Variants in DMXL2 observed in about 807,000 individuals in gnomAD.
DMXL2 encodes the protein Dmx like 2, also known as dmX-like protein 2.
DMXL2 carries 103 observed loss-of-function variants against 331.1 expected under a neutral mutation model. The ratio of observed to expected loss-of-function variants is 0.31; its 90% confidence interval spans 0.27 to 0.37. DMXL2 has a LOEUF of 0.37. Among genes scored for constraint, DMXL2 ranks in the 10% least tolerant of loss-of-function variants. The pLI is 1.00. For synonymous variants in DMXL2, 1,281 were observed against 1,252.1 expected, an observed-to-expected ratio of 1.02 and a Z score of -0.49; for missense variants, 3,171 against 3,642.9, an observed-to-expected ratio of 0.87 and a Z score of 3.33.
intron 1 of DMXL2, among the ~76,000 whole-genome samples, chr15:51,593,759 A>T (rs1470327776): frequency 6.6e-6 from 1 of 152,206 alleles, no homozygotes; most frequent in African/African-American, 2.4e-5. Context: ...GGATTAAGAA[A>T]CTCACTCAAA....
intron 13 of DMXL2, among the ~76,000 whole-genome samples, chr15:51,523,439 G>T (rs760648473): frequency 6.6e-6 from 1 of 152,184 alleles, no homozygotes. Context: ...TATAACTGAT[G>T]AGAAAAGAAA....
chr15:51,596,448 T>A (rs541704056), intron 1 of DMXL2, among the ~76,000 whole-genome samples: 2 of 152,232 alleles, frequency 1.3e-5, no homozygotes, highest in African/African-American at 4.8e-5. Flanking sequence ...TGTGGAGAAA[T>A]AGGAACACTT....
At chr15:51,540,301 T>C (rs1221540511) in intron 9 of DMXL2, among the ~76,000 whole-genome samples, 1 of 152,214 alleles carries the variant, frequency 6.6e-6, no homozygotes, top group Non-Finnish European at 1.5e-5. Flanking sequence ...GAATGGTATA[T>C]TACATGATAT....
At chr15:51,608,822 C>T (rs1424444892) in intron 1 of DMXL2, among the ~76,000 whole-genome samples, 1 of 151,842 alleles carries the variant, frequency 6.6e-6, no homozygotes, top group African/African-American at 2.4e-5. Flanking sequence ...CAGATTGATA[C>T]CAAGGAAATT....
intron 32 of DMXL2, 92 bp downstream of exon 32, chr15:51,464,583 G>GAAT (rs1247269545): frequency 9.7e-6 from 10 of 1,035,006 alleles, no homozygotes; most frequent in Non-Finnish European, 1.4e-5. Context: ...TCAAAATTAT[G>GAAT]AATGTTTTAA....
Position 51,476,712 on chromosome 15 carries a change from T to C in DMXL2, c.6841A>G (p.Thr2281Ala), listed in dbSNP as rs1408107870. The change falls in exon 27 of 44, where the codon ACA becomes GCA. Residue 2281 changes from threonine to alanine, a missense_variant. Thr to Ala is a moderately conservative substitution (Grantham distance 58, BLOSUM62 0). Transcript: ENST00000560891. ...LCDSHSYSSQTEGNQFTGMAY... is the reference protein window; with the variant it reads ...LCDSHSYSSQAEGNQFTGMAY... ...ATTCCTGTAAACTGATTTCCTTCTG[T>C]TTGACTGCTAAAACAAATAGGTTCA... The C allele has an allele frequency of 6.3e-7, 1 of 1,598,730 alleles. No homozygotes were observed. The highest frequency in any genetic ancestry group is 1.8e-5 in the Admixed American group (1 of 55,544).
Position 51,576,112 on chromosome 15 carries a change from C to A in DMXL2, c.157G>T (p.Ala53Ser). 4 of 1,544,114 alleles carry A rather than the reference C, an allele frequency of 2.6e-6. No homozygotes were observed. The highest frequency in any genetic ancestry group is 3.5e-6 in the Non-Finnish European group (4 of 1,140,464). The change falls in exon 2 of 44, where the codon GCT becomes TCT. Residue 53 changes from alanine to serine, a missense_variant. Transcript: ENST00000560891. ...DFECVQIIPGAKHGNIQVSCV... is the reference protein window; with the variant it reads ...DFECVQIIPGSKHGNIQVSCV... Reference sequence around the variant, plus strand: ...CTGACTTGGATGTTTCCATGCTTAGCACCAGGAATGATCTGTACACATTCA... The same window carrying A: ...CTGACTTGGATGTTTCCATGCTTAGAACCAGGAATGATCTGTACACATTCA...
intron 28 of DMXL2, among the ~76,000 whole-genome samples, chr15:51,473,591 T>G (rs1440445875): frequency 6.6e-6 from 1 of 152,202 alleles, no homozygotes; most frequent in Non-Finnish European, 1.5e-5. Context: ...AGACAGAGGT[T>G]AGTGTCATTA....
Position 51,503,014 on chromosome 15 carries a change from A to C in DMXL2, c.2784T>G (p.Ala928=). 1 of 1,612,064 alleles carries C rather than the reference A, an allele frequency of 6.2e-7. No homozygotes were observed. The highest frequency in any genetic ancestry group is 8.5e-7 in the Non-Finnish European group (1 of 1,178,552). The part of the protein sequence containing the change: ...QACLAKASEG[A]SSESLLSVPG... ...GGACTGAAAGTAGACTCTCAGAGGA[A>C]GCCCCTTCTGAAGCTTTAGCTTTAA... Residue 928 remains alanine, a synonymous_variant, in exon 17 of 44, where the codon GCT becomes GCG. Coordinates refer to ENST00000560891, the MANE Select transcript of DMXL2 (RefSeq NM_001378457.1).
At chr15:51,553,823 A>G (rs1357800304) in intron 6 of DMXL2, among the ~76,000 whole-genome samples, 2 of 151,834 alleles carry the variant, frequency 1.3e-5, no homozygotes, top group East Asian at 3.8e-4. Flanking sequence ...TACAATACCT[A>G]TAACATACAA....
At chr15:51,614,801 A>T (rs2054189772) in intron 1 of DMXL2, among the ~76,000 whole-genome samples, 1 of 152,194 alleles carries the variant, frequency 6.6e-6, no homozygotes, top group Non-Finnish European at 1.5e-5. Context: ...AAAAAAAGCC[A>T]CGTGAAAGTC....
At chr15:51,449,303 AC>A in intron 43 of DMXL2, 110 bp from the exon 44 acceptor site, 1 of 932,940 alleles carries the variant, frequency 1.1e-6, no homozygotes, top group Non-Finnish European at 1.6e-6. Context: ...CAACCTTCCC[AC>A]CCACTGCCTC....
intron 1 of DMXL2, among the ~76,000 whole-genome samples, chr15:51,609,207 A>C: frequency 6.6e-6 from 1 of 152,274 alleles, no homozygotes; most frequent in African/African-American, 2.4e-5. Flanking sequence ...ATTTCAAAAG[A>C]CACAAGAAAG....
In DMXL2 at chr15:51,480,676, G is replaced by A. The variant is rs1372482877; in HGVS notation, c.6430C>T (p.Arg2144Ter). 6.2e-7 allele frequency: 1 copy of A among 1,612,650 alleles called. No individual in the cohort carries two copies. The highest frequency in any genetic ancestry group is 8.5e-7 in the Non-Finnish European group (1 of 1,178,900). The change falls in exon 24 of 44, where the codon CGA becomes TGA. Residue 2144 changes from arginine to a stop codon, truncating the protein, a stop_gained. Transcript: ENST00000560891. LOFTEE classifies it high-confidence loss of function. The stretch of plus-strand genomic sequence containing the variant: ...TGGTTTTTCTGCAACCACGACTTTC[G>A]TCTTTCTGCATGCTCTCGTTTGGCC... ...LQAKREHAER[R>*]KSWLQKNQDL...
intron 1 of DMXL2, among the ~76,000 whole-genome samples, chr15:51,578,683 C>T (rs975158543): frequency 2.0e-5 from 3 of 151,958 alleles, no homozygotes; most frequent in South Asian, 2.1e-4. Context: ...CAAAAGTTTG[C>T]CAAAATATAT....
At position 51,481,260 on chromosome 15, in the gene DMXL2, C is replaced by A. The variant is rs755697741; in HGVS notation, c.5846G>T (p.Gly1949Val). The change falls in exon 24 of 44, where the codon GGC becomes GTC. Residue 1949 changes from glycine to valine, a missense_variant. Physicochemically the swap from Gly to Val is moderately radical, Grantham distance 109. Transcript: ENST00000560891. ...TGAAGTTACATTTGACCATTCAATGCCAGAACTTCCATTGCCATCACTCAG... is the reference window on the plus strand; with the variant it reads ...TGAAGTTACATTTGACCATTCAATGACAGAACTTCCATTGCCATCACTCAG... ...KALSDGNGSS[G>V]IEWSNVTSSQ... 3 of 1,613,724 alleles carry A rather than the reference C, an allele frequency of 1.9e-6. No homozygotes were observed. The highest frequency in any genetic ancestry group is 1.7e-4 in the Middle Eastern group (1 of 6,058).
chr15:51,472,918 T>C lies in DMXL2; in HGVS notation c.7213+1426A>G, dbSNP rs147207045. On this transcript the variant is annotated intron_variant, in intron 28 of 43. Coordinates refer to ENST00000560891, the MANE Select transcript of DMXL2 (RefSeq NM_001378457.1). The stretch of plus-strand genomic sequence containing the variant: ...AATCAGATTCTGTCACCTCCTCTCT[T>C]TAGAACAACTAACGCTTTTACCATG... Among the ~76,000 whole-genome samples the C allele has an allele frequency of 4.2e-3, 641 of 152,270 alleles. 6 individuals are homozygous for C. Among genetic ancestry groups the C allele is most frequent in the African/African-American group, 0.015 (605 of 41,536 alleles).
chr15:51,489,552 A>AG (rs1162992272), intron 20 of DMXL2, among the ~76,000 whole-genome samples: 1 of 151,980 alleles, frequency 6.6e-6, no homozygotes, highest in Non-Finnish European at 1.5e-5. Context: ...AGCTACTTGG[A>AG]GGCTGGTTGG....
chr15:51,534,334 T>C (rs894134516), intron 13 of DMXL2, among the ~76,000 whole-genome samples: 2 of 152,086 alleles, frequency 1.3e-5, no homozygotes, highest in African/African-American at 4.8e-5. Flanking sequence ...TGGCCTGAGG[T>C]AGTAAGGTTC....
Sources: gnomAD v4.1 joint callset for allele counts (sites outside exome capture counted in the v4.1 genomes callset) on GRCh38, gnomAD v4.1.1 for gene constraint, MANE v1.5 for transcripts, NCBI Gene and HGNC (gene_info 2026-07-23, HGNC 2026-07-21) for gene names.